Variants in FAAH2 observed in about 807,000 individuals in gnomAD.
FAAH2 encodes the protein fatty-acid amide hydrolase 2.
Under a neutral mutation model 36.9 loss-of-function variants are expected in FAAH2, and 60 were observed. The observed-to-expected ratio is 1.63, with a 90% CI of 1.32 to 2.02. The LOEUF (loss-of-function observed/expected upper bound fraction) is 2.02, where lower values mean the gene tolerates loss of function less well. Ranked by LOEUF, FAAH2 falls within the 30% of genes most tolerant of loss-of-function variation. The pLI is 0.00. For synonymous variants in FAAH2, 214 were observed against 143.8 expected (o/e 1.49, Z -3.49); for missense variants, 689 against 397.5 (o/e 1.73, Z -6.23).
intron 8 of FAAH2, among the ~76,000 whole-genome samples, chrX:57,435,161 T>C (rs1336799041): frequency 9.0e-6 from 1 of 111,693 alleles, no homozygotes; most frequent in Non-Finnish European, 1.9e-5. Flanking sequence ...ATGTTCATGA[T>C]TATGATAACT....
the FAAH2 span, among the ~76,000 whole-genome samples, chrX:57,158,372 G>T: frequency 1.3e-4 from 15 of 111,996 alleles, no homozygotes; most frequent in Non-Finnish European, 2.3e-4. Context: ...CCAGTAATGG[G>T]TGGCTGTGTC....
chrX:57,266,830 G>T, the FAAH2 span, among the ~76,000 whole-genome samples: 3 of 112,575 alleles, frequency 2.7e-5, no homozygotes, highest in African/African-American at 6.5e-5. Flanking sequence ...AGCCCAGGGG[G>T]TTTAGTGCAA....
chrX:57,483,964 C>A (rs933174302), intron 10 of FAAH2, among the ~76,000 whole-genome samples: 1 of 109,334 alleles, frequency 9.1e-6, no homozygotes, highest in African/African-American at 3.3e-5. Flanking sequence ...TGCCACCACA[C>A]CCAGCTAATT....
chrX:57,285,157 T>A (rs2051792496), upstream of FAAH2, among the ~76,000 whole-genome samples: 1 of 112,255 alleles, frequency 8.9e-6, no homozygotes, highest in African/African-American at 3.2e-5. Flanking sequence ...TAGATGTGCC[T>A]GTCATGATTA....
intron 8 of FAAH2, among the ~76,000 whole-genome samples, chrX:57,443,514 C>CT (rs2056608692): frequency 1.8e-5 from 2 of 111,806 alleles, no homozygotes; most frequent in Admixed American, 9.5e-5. Flanking sequence ...TTCGTCTGAT[C>CT]TTTTTTCAAG....
intron 3 of FAAH2, among the ~76,000 whole-genome samples, chrX:57,317,119 C>A: frequency 9.0e-6 from 1 of 111,328 alleles, no homozygotes; most frequent in Non-Finnish European, 1.9e-5. Flanking sequence ...GACAAGTGGC[C>A]AACAAATATT....
the FAAH2 span, among the ~76,000 whole-genome samples, chrX:57,160,568 G>A: frequency 8.9e-6 from 1 of 111,861 alleles, no homozygotes; most frequent in Non-Finnish European, 1.9e-5. Context: ...TTTAGTCTTG[G>A]GAGGGTGTAT....
At chrX:57,187,028 G>A in the FAAH2 span, among the ~76,000 whole-genome samples, 1 of 111,356 alleles carries the variant, frequency 9.0e-6, no homozygotes, top group African/African-American at 3.3e-5. Flanking sequence ...TTTTCTCTTA[G>A]GATTGTCTTG....
chrX:57,468,612 C>A (rs146721592), intron 10 of FAAH2, among the ~76,000 whole-genome samples: 110 of 111,912 alleles, frequency 9.8e-4, no homozygotes, highest in Non-Finnish European at 1.7e-3. Context: ...AAGACCAAAT[C>A]TACGTCTGAC....
intron 8 of FAAH2, among the ~76,000 whole-genome samples, chrX:57,444,371 A>C (rs1240699396): frequency 1.8e-5 from 2 of 112,164 alleles, no homozygotes; most frequent in African/African-American, 6.5e-5. Flanking sequence ...CTGTGCTAGC[A>C]GTGAGTGAGG....
the FAAH2 span, among the ~76,000 whole-genome samples, chrX:57,265,536 G>T: frequency 1.8e-5 from 2 of 111,629 alleles, no homozygotes; most frequent in East Asian, 5.7e-4. Flanking sequence ...GGGCAGAAGA[G>T]ATCCCCCAGC....
chrX:57,274,785 C>T, the FAAH2 span, among the ~76,000 whole-genome samples: 1 of 111,465 alleles, frequency 9.0e-6, no homozygotes, highest in African/African-American at 3.3e-5. Context: ...TATGACAAAC[C>T]CACAGCCAAT....
At chrX:57,465,579 T>C (rs1055342664) in intron 10 of FAAH2, among the ~76,000 whole-genome samples, 1 of 111,399 alleles carries the variant, frequency 9.0e-6, no homozygotes, top group African/African-American at 3.2e-5. Context: ...CTCTTATAAT[T>C]CACAGAATCT....
intron 10 of FAAH2, among the ~76,000 whole-genome samples, chrX:57,449,798 C>T (rs1380472937): frequency 9.0e-6 from 1 of 111,100 alleles, no homozygotes; most frequent in East Asian, 2.9e-4. Context: ...CCCCAAGTAG[C>T]TGGGATTACA....
At chrX:57,248,156 A>G in the FAAH2 span, among the ~76,000 whole-genome samples, 1 of 112,458 alleles carries the variant, frequency 8.9e-6, no homozygotes, top group African/African-American at 3.2e-5. Flanking sequence ...AATGTTAAGA[A>G]CAATGACATT....
intron 5 of FAAH2, among the ~76,000 whole-genome samples, chrX:57,376,283 C>T (rs1211545923): frequency 9.0e-6 from 1 of 111,041 alleles, no homozygotes; most frequent in Non-Finnish European, 1.9e-5. Context: ...ATGTGCAGAA[C>T]ATGCAGGTTT....
upstream of FAAH2, among the ~76,000 whole-genome samples, chrX:57,282,359 T>C (rs1464271925): frequency 2.7e-5 from 3 of 112,262 alleles, no homozygotes; most frequent in East Asian, 5.6e-4. Context: ...TGGCCACTTG[T>C]ATGTCTTCTT....
At chrX:57,464,732 T>C (rs936518147) in intron 10 of FAAH2, among the ~76,000 whole-genome samples, 1 of 111,009 alleles carries the variant, frequency 9.0e-6, no homozygotes, top group African/African-American at 3.3e-5. Flanking sequence ...CAACCACATG[T>C]TGGGTACTAT....
chrX:57,228,071 C>T, the FAAH2 span, among the ~76,000 whole-genome samples: 1 of 112,209 alleles, frequency 8.9e-6, no homozygotes, highest in Non-Finnish European at 1.9e-5. Context: ...GTTTTCTTCA[C>T]ATTTGCAAAT....
Sources: gnomAD v4.1 joint callset for allele counts (sites outside exome capture counted in the v4.1 genomes callset) on GRCh38, gnomAD v4.1.1 for gene constraint, MANE v1.5 for transcripts, NCBI Gene and HGNC (gene_info 2026-07-23, HGNC 2026-07-21) for gene names.